SLCO3A1: variants seen among roughly 807,000 people sequenced by gnomAD.
SLCO3A1 encodes solute carrier organic anion transporter family member 3A1.
SLCO3A1 carries 27 observed loss-of-function variants against 63.1 expected under a neutral mutation model. The ratio of observed to expected loss-of-function variants is 0.43; its 90% CI spans 0.32 to 0.59. SLCO3A1 has a LOEUF of 0.59. Ranked by LOEUF, SLCO3A1 falls within the 20% of genes least tolerant of loss-of-function variation. The probability of loss-of-function intolerance (pLI) is 0.09; values close to 1 mark genes in which losing one functional copy is unlikely to be tolerated. For missense variants in SLCO3A1, 773 were observed against 945.8 expected (o/e 0.82, Z 2.40); for synonymous variants, 473 against 409.9 (o/e 1.15, Z -1.86).
chr15:92,049,732 C>T (rs969106588), intron 2 of SLCO3A1, among the ~76,000 whole-genome samples: 2 of 152,186 alleles, frequency 1.3e-5, no homozygotes, highest in Admixed American at 6.5e-5. Context: ...TAGATATTAA[C>T]AGCAGCAGTG....
chr15:92,163,856 G>T lies in SLCO3A1; in HGVS notation c.*721G>T. 1 of 985,596 alleles carries T rather than the reference G, an allele frequency of 1.0e-6. No homozygotes were observed. Among genetic ancestry groups the T allele is most frequent in the Non-Finnish European group, 1.2e-6 (1 of 830,122 alleles). The allele number at this position is 985,596 out of a possible 1,614,324, so 61.1% of individuals were successfully genotyped here. Reference sequence around the variant, plus strand: ...TGTTCAAGACTGAGGGCCTGAGGGGGAGCCAGGTGGGGGGCCAGCACCTCC... The same window carrying T: ...TGTTCAAGACTGAGGGCCTGAGGGGTAGCCAGGTGGGGGGCCAGCACCTCC... On this transcript the variant is annotated 3_prime_UTR_variant, in exon 10 of 10. Coordinates refer to ENST00000318445, the MANE Select transcript of SLCO3A1 (RefSeq NM_013272.4).
intron 2 of SLCO3A1, among the ~76,000 whole-genome samples, chr15:92,057,646 G>A (rs947031235): frequency 1.3e-5 from 2 of 152,174 alleles, no homozygotes; most frequent in African/African-American, 4.8e-5. Flanking sequence ...CAGCGCTTGA[G>A]CCTCCAGACA....
chr15:91,878,179 G>A (rs1385899479), intron 1 of SLCO3A1, among the ~76,000 whole-genome samples: 1 of 144,696 alleles, frequency 6.9e-6, no homozygotes, highest in Non-Finnish European at 1.5e-5. Context: ...TCTGCCTCCC[G>A]GGTTCAGGTG....
chr15:91,976,108 G>C (rs1901098823), intron 2 of SLCO3A1, among the ~76,000 whole-genome samples: 1 of 152,148 alleles, frequency 6.6e-6, no homozygotes, highest in Non-Finnish European at 1.5e-5. Context: ...ATTATTTCTT[G>C]AAGTGTGGCC....
chr15:92,095,130 A>T (rs1448378567), intron 3 of SLCO3A1, 151 bp downstream of exon 3: 1 of 597,406 alleles, frequency 1.7e-6, no homozygotes, highest in Non-Finnish European at 3.0e-6. Flanking sequence ...AGATTAGATG[A>T]AAGAACGTGA....
Position 92,126,054 on chromosome 15 carries a change from C to T in SLCO3A1, c.1175-7C>T, listed in dbSNP as rs996869218. The T allele has an allele frequency of 1.6e-5, 26 of 1,613,528 alleles. No individual in the cohort carries two copies. The highest frequency in any genetic ancestry group is 5.3e-5 in the African/African-American group (4 of 74,832). On this transcript the variant is annotated splice_region_variant and splice_polypyrimidine_tract_variant and intron_variant, in intron 5 of 9. Coordinates refer to ENST00000318445, the MANE Select transcript of SLCO3A1 (RefSeq NM_013272.4). ...TTCACAGCCCTGCCCCTCTATTTTCCTTCCAGGGATGACTGCGATCCCGTG... is the reference window on the plus strand; with the variant it reads ...TTCACAGCCCTGCCCCTCTATTTTCTTTCCAGGGATGACTGCGATCCCGTG...
chr15:92,048,428 A>C lies in SLCO3A1; in HGVS notation c.647-46453A>C, dbSNP rs543199425. ...GTCCCCAACCTAGTTGACTGCAATA[A>C]TCCAGACTTCCTAGTACAGTGTCTC... is the stretch of plus-strand genomic sequence containing the variant. On this transcript the variant is annotated intron_variant, in intron 2 of 9. Coordinates refer to ENST00000318445, the MANE Select transcript of SLCO3A1 (RefSeq NM_013272.4). Among the ~76,000 whole-genome samples, 8 of 152,190 alleles carry C rather than the reference A, an allele frequency of 5.3e-5. No homozygotes were observed. The South Asian group carries it at 1.7e-3, about 32-fold the overall frequency.
At chr15:91,922,570 C>T (rs1898886665) in intron 2 of SLCO3A1, among the ~76,000 whole-genome samples, 1 of 152,140 alleles carries the variant, frequency 6.6e-6, no homozygotes, top group African/African-American at 2.4e-5. Context: ...AGTTATTTGC[C>T]TCTGATGAGT....
At chr15:92,011,585 T>C (rs903117701) in intron 2 of SLCO3A1, among the ~76,000 whole-genome samples, 4 of 152,234 alleles carry the variant, frequency 2.6e-5, no homozygotes, top group Non-Finnish European at 4.4e-5. Context: ...ATCCCCCACT[T>C]CCTTGACAGT....
intron 7 of SLCO3A1, among the ~76,000 whole-genome samples, chr15:92,138,372 C>T (rs1229725964): frequency 1.0e-5 from 1 of 97,538 alleles, no homozygotes; most frequent in Non-Finnish European, 1.9e-5. Context: ...GTTTTGGTTA[C>T]TGTAGCCTTG....
At chr15:91,884,137 A>G (rs1897664641) in intron 1 of SLCO3A1, among the ~76,000 whole-genome samples, 1 of 152,208 alleles carries the variant, frequency 6.6e-6, no homozygotes, top group Non-Finnish European at 1.5e-5. Context: ...TCATTTTGTA[A>G]TGAGGATTCC....
At position 92,163,366 on chromosome 15, in the gene SLCO3A1, C is replaced by A; in HGVS notation, c.*231C>A. ...GCGGCAGGGTCCTGGAGGCCACTTG[C>A]GCGGCTGGGCCACAGAGTCTACTTT... On this transcript the variant is annotated 3_prime_UTR_variant, in exon 10 of 10. Coordinates refer to ENST00000318445, the MANE Select transcript of SLCO3A1 (RefSeq NM_013272.4). 2.6e-6 allele frequency: 3 copies of A among 1,153,668 alleles called. No individual in the cohort carries two copies. Among genetic ancestry groups the A allele is most frequent in the Non-Finnish European group, 2.1e-6 (2 of 938,954 alleles). 71.5% of individuals were successfully genotyped at this position (1,153,668 alleles called of 1,614,324 possible).
chr15:92,037,349 C>A (rs1026958752), intron 2 of SLCO3A1, among the ~76,000 whole-genome samples: 2 of 152,306 alleles, frequency 1.3e-5, no homozygotes, highest in African/African-American at 4.8e-5. Context: ...AGATAGGAAC[C>A]TGATGCTCAG....
At chr15:92,017,111 A>G (rs947328754) in intron 2 of SLCO3A1, among the ~76,000 whole-genome samples, 1 of 152,190 alleles carries the variant, frequency 6.6e-6, no homozygotes, top group Non-Finnish European at 1.5e-5. Flanking sequence ...GCGACTAGAT[A>G]CCATTTGCAA....
chr15:92,151,661 C>T (rs552222888), intron 9 of SLCO3A1, among the ~76,000 whole-genome samples: 1 of 152,310 alleles, frequency 6.6e-6, no homozygotes, highest in African/African-American at 2.4e-5. Context: ...CCAGCTATGC[C>T]TACCTTTCTC....
intron 4 of SLCO3A1, among the ~76,000 whole-genome samples, chr15:92,114,538 C>T (rs1046282228): frequency 3.9e-5 from 6 of 152,148 alleles, no homozygotes; most frequent in Non-Finnish European, 7.4e-5. Context: ...GATGCTATTC[C>T]GTGACACCGT....
rs143288595 is a variant in SLCO3A1, at chr15:92,090,441, G to T, written c.647-4440G>T. On this transcript the variant is annotated intron_variant, in intron 2 of 9. Coordinates refer to ENST00000318445, the MANE Select transcript of SLCO3A1 (RefSeq NM_013272.4). ...GCCTGTGTACAGAATGCCAGAGCCA[G>T]ATCACCATGCAGGGGAGCACTGCAT... Among the ~76,000 whole-genome samples the T allele has an allele frequency of 1.8e-3, 281 of 152,340 alleles. 2 individuals are homozygous for T. The highest frequency in any genetic ancestry group is 6.1e-3 in the African/African-American group (254 of 41,576).
In SLCO3A1 at chr15:91,900,287, G is replaced by C. The variant is rs1898118669; in HGVS notation, c.181-15706G>C. ...CCACTAGCAGTATCTGAGTGTTCCA[G>C]TTTCCTCAGATGGACGTGAATACTT... On this transcript the variant is annotated intron_variant, in intron 1 of 9. Coordinates refer to ENST00000318445, the MANE Select transcript of SLCO3A1 (RefSeq NM_013272.4). The surrounding 1 kb of genome is among the most constrained non-coding windows in gnomAD (Gnocchi z 4.3). Among the ~76,000 whole-genome samples, 2 of 152,160 alleles carry C rather than the reference G, an allele frequency of 1.3e-5. No homozygotes were observed. Among genetic ancestry groups the C allele is most frequent in the African/African-American group, 4.8e-5 (2 of 41,444 alleles).
At chr15:91,986,114 G>A (rs1209892136) in intron 2 of SLCO3A1, among the ~76,000 whole-genome samples, 1 of 152,168 alleles carries the variant, frequency 6.6e-6, no homozygotes, top group East Asian at 1.9e-4. Flanking sequence ...GCACCTGGTG[G>A]GCAGAGGCTG....
Sources: allele counts gnomAD v4.1 joint callset (sites outside exome capture counted in the v4.1 genomes callset), GRCh38; gene constraint gnomAD v4.1.1; non-coding constraint Gnocchi (gnomAD v3.1); transcripts MANE v1.5; gene names NCBI Gene and HGNC (gene_info 2026-07-23, HGNC 2026-07-21).